Variants in ADAM10 observed in about 807,000 individuals in gnomAD.
ADAM10 encodes disintegrin and metalloproteinase domain-containing protein 10.
Under a neutral mutation model 90.1 loss-of-function variants are expected in ADAM10, and 17 were observed. That is an observed-to-expected ratio of 0.19 (90% confidence interval 0.13 to 0.28). The LOEUF (loss-of-function observed/expected upper bound fraction) is 0.28. Among genes scored for constraint, ADAM10 ranks in the 10% least tolerant of loss-of-function variants. ADAM10 has a pLI of 1.00. For missense variants in ADAM10, 610 were observed against 914.3 expected (o/e 0.67, Z 4.29); for synonymous variants, 310 against 298.6 (o/e 1.04, Z -0.40).
intron 8 of ADAM10, among the ~76,000 whole-genome samples, chr15:58,633,669 T>C (rs2037008999): frequency 6.6e-6 from 1 of 152,164 alleles, no homozygotes; most frequent in Admixed American, 6.5e-5. Context: ...TACATTTCCT[T>C]TCAATTTGAA....
intron 1 of ADAM10, among the ~76,000 whole-genome samples, chr15:58,740,025 A>T (rs1224427054): frequency 6.6e-6 from 1 of 152,244 alleles, no homozygotes; most frequent in African/African-American, 2.4e-5. Context: ...GTCCTAAAAC[A>T]TGAAGACTAA....
chr15:58,675,071 C>T (rs1260689815), intron 4 of ADAM10, among the ~76,000 whole-genome samples: 1 of 152,206 alleles, frequency 6.6e-6, no homozygotes, highest in African/African-American at 2.4e-5. Flanking sequence ...TGGCACATGC[C>T]TGTAGTCCCA....
At chr15:58,735,650 G>A (rs1748400818) in intron 1 of ADAM10, among the ~76,000 whole-genome samples, 1 of 152,148 alleles carries the variant, frequency 6.6e-6, no homozygotes, top group South Asian at 2.1e-4. Flanking sequence ...GTCTGTACAT[G>A]TTAAGTACAG....
chr15:58,680,487 C>T (rs547649463), intron 3 of ADAM10, among the ~76,000 whole-genome samples: 1 of 152,196 alleles, frequency 6.6e-6, no homozygotes, highest in East Asian at 1.9e-4. Context: ...AAAAGTATAC[C>T]AACAGTACTT....
rs367695463 is a variant in ADAM10 at position 58,644,274 on chromosome 15, C to T, written c.736-296G>A. ...GACAAGAGTCTTGCTCTGTTGCCCA[C>T]GCTGGAGTGCAGTGTTGCAATCTCG... On this transcript the variant is annotated intron_variant, in intron 6 of 15. Coordinates refer to ENST00000260408, the MANE Select transcript of ADAM10 (RefSeq NM_001110.4). Among the ~76,000 whole-genome samples the T allele has an allele frequency of 5.3e-5, 8 of 149,970 alleles. No homozygotes were observed. In the East Asian group the frequency reaches 9.8e-4, roughly 18 times the overall value.
At chr15:58,718,553 G>C (rs1489467725) in intron 1 of ADAM10, among the ~76,000 whole-genome samples, 1 of 152,124 alleles carries the variant, frequency 6.6e-6, no homozygotes, top group African/African-American at 2.4e-5. Flanking sequence ...TCAGTCTGGG[G>C]CTAATTATTT....
At chr15:58,647,793 T>G (rs1169793797) in intron 5 of ADAM10, among the ~76,000 whole-genome samples, 11 of 152,154 alleles carry the variant, frequency 7.2e-5, no homozygotes, top group African/African-American at 2.7e-4. Context: ...TCTCAAGTAA[T>G]CCTCCTGTCT....
intron 11 of ADAM10, among the ~76,000 whole-genome samples, chr15:58,616,215 G>A (rs938628070): frequency 3.3e-5 from 5 of 152,128 alleles, no homozygotes; most frequent in Admixed American, 3.3e-4. Context: ...CTCAGCACTG[G>A]ACAGATAATC....
chr15:58,697,274 G>A (rs1898005846), intron 2 of ADAM10, among the ~76,000 whole-genome samples: 1 of 152,052 alleles, frequency 6.6e-6, no homozygotes, highest in South Asian at 2.1e-4. Context: ...GCCACCTGGG[G>A]CCCAAAGACC....
intron 6 of ADAM10, 104 bp downstream of exon 6, chr15:58,645,951 A>G: frequency 1.6e-6 from 2 of 1,269,500 alleles, no homozygotes; most frequent in Non-Finnish European, 1.1e-6. Flanking sequence ...GAAAACACAT[A>G]CTTTTTCCCA....
intron 5 of ADAM10, among the ~76,000 whole-genome samples, chr15:58,663,827 C>T (rs1418267893): frequency 6.6e-6 from 1 of 151,940 alleles, no homozygotes; most frequent in African/African-American, 2.4e-5. Flanking sequence ...ACAATGTCCA[C>T]CCTTTCATTA....
At chr15:58,678,957 A>G (rs1478158012) in intron 4 of ADAM10, among the ~76,000 whole-genome samples, 167 bp downstream of exon 4, 1 of 152,204 alleles carries the variant, frequency 6.6e-6, no homozygotes, top group Non-Finnish European at 1.5e-5. Context: ...AAATTGCCTC[A>G]TTACATATAT....
chr15:58,655,038 T>G (rs1407474916), intron 5 of ADAM10, among the ~76,000 whole-genome samples: 2 of 152,182 alleles, frequency 1.3e-5, no homozygotes, highest in African/African-American at 4.8e-5. Context: ...TTAAGTCTGA[T>G]GTTTCTTTGT....
chr15:58,633,409 C>T, intron 8 of ADAM10, 50 bp from the exon 9 acceptor site: 2 of 1,503,302 alleles, frequency 1.3e-6, no homozygotes, highest in Non-Finnish European at 1.8e-6. Flanking sequence ...TCCCCTTACC[C>T]CCAAAAAGGT....
At chr15:58,626,579 G>C (rs1481882613) in intron 10 of ADAM10, among the ~76,000 whole-genome samples, 1 of 152,104 alleles carries the variant, frequency 6.6e-6, no homozygotes, top group Non-Finnish European at 1.5e-5. Flanking sequence ...CAGATGACTG[G>C]AAGAACAAAA....
intron 2 of ADAM10, among the ~76,000 whole-genome samples, chr15:58,708,776 A>G (rs1479233914): frequency 1.3e-5 from 2 of 152,302 alleles, no homozygotes; most frequent in Non-Finnish European, 2.9e-5. Flanking sequence ...TTCAATATAG[A>G]CTATTTTGGA....
chr15:58,649,485 C>G (rs768392529), intron 5 of ADAM10, among the ~76,000 whole-genome samples: 1 of 152,126 alleles, frequency 6.6e-6, no homozygotes, highest in Non-Finnish European at 1.5e-5. Flanking sequence ...ATCTTTTCAA[C>G]AGGAAAAAAA....
intron 2 of ADAM10, among the ~76,000 whole-genome samples, chr15:58,711,938 G>A (rs183045264): frequency 5.7e-4 from 87 of 152,202 alleles, no homozygotes; most frequent in African/African-American, 2.0e-3. Context: ...AAAGAGTGGA[G>A]TGATCCCTTA....
chr15:58,749,548 TGCC>T lies in ADAM10; in HGVS notation c.-17_-15del, dbSNP rs750697632. The T allele has an allele frequency of 9.7e-6, 15 of 1,550,590 alleles. No homozygotes were observed. The highest frequency in any genetic ancestry group is 3.6e-5 in the South Asian group (3 of 83,970). On this transcript the variant is annotated 5_prime_UTR_variant, in exon 1 of 16. Transcript: ENST00000260408. ...CAGCAACACCATCTTCCGCTGCCGC[TGCC>T]GCCGCCGCCGCCTCCTCACGGGTTA... is the stretch of plus-strand genomic sequence containing the variant.
Sources: gnomAD v4.1 joint callset for allele counts (sites outside exome capture counted in the v4.1 genomes callset) on GRCh38, gnomAD v4.1.1 for gene constraint, MANE v1.5 for transcripts, NCBI Gene and HGNC (gene_info 2026-07-23, HGNC 2026-07-21) for gene names.